Variants in MREG observed in about 807,000 individuals in gnomAD.
MREG encodes dilute suppressor protein homolog.
A neutral mutation model predicts 28.5 loss-of-function variants in MREG; 31 were observed. The observed-to-expected ratio is 1.09, with a 90% CI of 0.82 to 1.47. The LOEUF (loss-of-function observed/expected upper bound fraction) is 1.47, where lower values mean the gene tolerates loss of function less well. MREG is among the 40% of genes most tolerant of loss of function. The probability of loss-of-function intolerance (pLI) is 0.00; values close to 1 mark genes in which losing one functional copy is unlikely to be tolerated. For synonymous variants in MREG, 106 were observed against 95.2 expected (o/e 1.11, Z -0.66); for missense variants, 256 against 257.4 (o/e 0.99, Z 0.04).
At chr2:215,950,343 T>A (rs1692450963) in intron 2 of MREG, among the ~76,000 whole-genome samples, 1 of 152,266 alleles carries the variant, frequency 6.6e-6, no homozygotes, top group Non-Finnish European at 1.5e-5. Context: ...TTAGTCATTT[T>A]GCTATTCCTA....
intron 2 of MREG, among the ~76,000 whole-genome samples, chr2:215,958,070 C>T (rs1434436318): frequency 7.0e-6 from 1 of 142,120 alleles, no homozygotes; most frequent in Non-Finnish European, 1.5e-5. Flanking sequence ...AACACATGGA[C>T]ACAGGAAGGG....
intron 2 of MREG, among the ~76,000 whole-genome samples, chr2:215,959,058 T>A (rs1010276227): frequency 1.3e-5 from 2 of 152,120 alleles, no homozygotes; most frequent in Non-Finnish European, 2.9e-5. Flanking sequence ...CTGATCCCCC[T>A]CACTCTCAGC....
chr2:215,956,024 T>A (rs1454428900), intron 2 of MREG, among the ~76,000 whole-genome samples: 1 of 152,110 alleles, frequency 6.6e-6, no homozygotes, highest in African/African-American at 2.4e-5. Flanking sequence ...GTAGAAAGGA[T>A]TACTAGTACA....
Position 215,948,530 on chromosome 2 carries a change from T to TGTTAG in MREG, c.256-1418_256-1417insCTAAC, listed in dbSNP as rs1263281562. On this transcript the variant is annotated intron_variant, in intron 2 of 4. Coordinates refer to ENST00000263268, the MANE Select transcript of MREG (RefSeq NM_018000.3). Reference sequence around the variant, plus strand: ...TAAGAAATATGCAACCCTAGCCACATCTTTAGCATCATGTTAAGGCATACC... The same window carrying TGTTAG: ...TAAGAAATATGCAACCCTAGCCACATGTTAGCTTTAGCATCATGTTAAGGCATACC... Among the ~76,000 whole-genome samples, 20 of 152,350 alleles carry TGTTAG rather than the reference T, an allele frequency of 1.3e-4. No individual in the cohort carries two copies. The East Asian group carries it at 2.7e-3, about 21-fold the overall frequency.
intron 1 of MREG, among the ~76,000 whole-genome samples, chr2:216,026,721 TAC>T (rs144405857): frequency 1.3e-5 from 2 of 151,154 alleles, no homozygotes; most frequent in African/African-American, 2.4e-5. Context: ...GGGTAAAACA[TAC>T]ACACACACAC....
At chr2:215,982,136 C>T (rs1355009045) in intron 2 of MREG, among the ~76,000 whole-genome samples, 1 of 152,094 alleles carries the variant, frequency 6.6e-6, no homozygotes, top group Non-Finnish European at 1.5e-5. Context: ...GCCTGACCAA[C>T]ACTGCGAAAC....
At chr2:215,958,159 T>C (rs1692680150) in intron 2 of MREG, among the ~76,000 whole-genome samples, 1 of 151,412 alleles carries the variant, frequency 6.6e-6, no homozygotes, top group South Asian at 2.1e-4. Flanking sequence ...TAATGCTAAA[T>C]GACAAGTTAA....
At chr2:216,028,965 C>A (rs776368040) in intron 1 of MREG, among the ~76,000 whole-genome samples, 7 of 151,898 alleles carry the variant, frequency 4.6e-5, no homozygotes, top group Non-Finnish European at 8.8e-5. Flanking sequence ...AAAAGAGAGA[C>A]ACAGTTTTGG....
At chr2:216,000,217 AGT>A (rs1330024072) in intron 1 of MREG, among the ~76,000 whole-genome samples, 2 of 152,146 alleles carry the variant, frequency 1.3e-5, no homozygotes, top group Non-Finnish European at 2.9e-5. Context: ...AGAATACTGC[AGT>A]GCTTGACTTC....
At chr2:215,973,818 C>T (rs972714107) in intron 2 of MREG, among the ~76,000 whole-genome samples, 5 of 152,206 alleles carry the variant, frequency 3.3e-5, no homozygotes, top group Admixed American at 6.5e-5. Flanking sequence ...AATACCTGGG[C>T]CTGGTTAACC....
intron 2 of MREG, among the ~76,000 whole-genome samples, chr2:215,966,377 C>T (rs1035069108): frequency 6.6e-6 from 1 of 152,060 alleles, no homozygotes; most frequent in Non-Finnish European, 1.5e-5. Flanking sequence ...TACCCCAGTT[C>T]TTCTCAAATT....
chr2:215,952,393 G>A (rs1430817456), intron 2 of MREG, among the ~76,000 whole-genome samples: 1 of 151,990 alleles, frequency 6.6e-6, no homozygotes, highest in Non-Finnish European at 1.5e-5. Flanking sequence ...ATTTGACTGC[G>A]GCAATCACCA....
chr2:215,954,426 T>C (rs1251496750), intron 2 of MREG, among the ~76,000 whole-genome samples: 8 of 146,810 alleles, frequency 5.4e-5, no homozygotes. Flanking sequence ...ATGATCCTTA[T>C]TGTATTTGAT....
At chr2:215,946,388 CT>C (rs1410311391) in intron 3 of MREG, among the ~76,000 whole-genome samples, 2 of 151,802 alleles carry the variant, frequency 1.3e-5, no homozygotes, top group Non-Finnish European at 2.9e-5. Context: ...AGATGTCATG[CT>C]CTCTTTCAAA....
At chr2:215,977,084 C>A (rs947867242) in intron 2 of MREG, among the ~76,000 whole-genome samples, 1 of 152,190 alleles carries the variant, frequency 6.6e-6, no homozygotes, top group African/African-American at 2.4e-5. Context: ...CACAGACTGG[C>A]AAACTGGATA....
chr2:216,031,085 C>A (rs1320005481), intron 1 of MREG, among the ~76,000 whole-genome samples: 1 of 151,990 alleles, frequency 6.6e-6, no homozygotes, highest in Non-Finnish European at 1.5e-5. Context: ...TTTCATTCCT[C>A]CAAGTAAAAT....
At chr2:215,970,058 G>A (rs1045782935) in intron 2 of MREG, among the ~76,000 whole-genome samples, 5 of 152,102 alleles carry the variant, frequency 3.3e-5, no homozygotes, top group African/African-American at 1.2e-4. Flanking sequence ...CCGCAAAATT[G>A]GTATGTTGAA....
intron 1 of MREG, among the ~76,000 whole-genome samples, chr2:216,031,691 G>GAAAGAAAGAAAGAAAGAAAC (rs1473248845): frequency 1.6e-5 from 1 of 61,102 alleles, no homozygotes; most frequent in African/African-American, 6.0e-5. Context: ...AAGAAAGAAA[G>GAAAGAAAGAAAGAAAGAAAC]AGAAAGAAAG....
rs1171756398 is a variant in MREG, at chr2:216,011,647, T to C, written c.95+1586A>G. Among the ~76,000 whole-genome samples the C allele has an allele frequency of 3.9e-5, 6 of 152,214 alleles. No homozygotes were observed. The East Asian group carries it at 9.6e-4, about 24-fold the overall frequency. On this transcript the variant is annotated intron_variant, in intron 1 of 4. Coordinates refer to ENST00000263268, the MANE Select transcript of MREG (RefSeq NM_018000.3). ...TATGCTACTCCGCTCCAATTGACCCTGGGGCTTCTTAAAATCACATGCAAA... is the reference window on the plus strand; with the variant it reads ...TATGCTACTCCGCTCCAATTGACCCCGGGGCTTCTTAAAATCACATGCAAA...
Sources: gnomAD v4.1 joint callset for allele counts (sites outside exome capture counted in the v4.1 genomes callset) on GRCh38, gnomAD v4.1.1 for gene constraint, MANE v1.5 for transcripts, NCBI Gene and HGNC (gene_info 2026-07-23, HGNC 2026-07-21) for gene names.